Variants in THSD7B observed in about 807,000 individuals in gnomAD.
THSD7B encodes thrombospondin type 1 domain containing 7B.
A neutral mutation model predicts 213.6 loss-of-function variants in THSD7B; 138 were observed. The observed-to-expected ratio is 0.65, with a 90% CI of 0.56 to 0.74. The LOEUF (loss-of-function observed/expected upper bound fraction) is 0.74, where lower values mean the gene tolerates loss of function less well. Among genes scored for constraint, THSD7B ranks in the 30% least tolerant of loss-of-function variants. THSD7B has a pLI of 0.00. For synonymous variants in THSD7B, 742 were observed against 687.0 expected, an observed-to-expected ratio of 1.08 and a Z score of -1.25; for missense variants, 1,931 against 1,991.5, an observed-to-expected ratio of 0.97 and a Z score of 0.58.
chr2:136,921,652 G>A (rs1233434330), intron 2 of THSD7B, among the ~76,000 whole-genome samples: 1 of 152,144 alleles, frequency 6.6e-6, no homozygotes, highest in African/African-American at 2.4e-5. Context: ...TTTTCAAGGT[G>A]TTTTAGATTG....
At chr2:137,242,616 T>G in intron 10 of THSD7B, 44 bp downstream of exon 10, 2 of 1,463,824 alleles carry the variant, frequency 1.4e-6, no homozygotes, top group Non-Finnish European at 1.9e-6. Flanking sequence ...CCTAACCTGA[T>G]TGTTTCTCCA....
chr2:137,056,554 A>G lies in THSD7B; in HGVS notation c.274A>G (p.Ser92Gly). The part of the protein sequence containing the change: ...GESNRPPKER[S>G]CFRVCDWHSD... ...GAGCAACAGGCCTCCAAAGGAAAGA[A>G]GTTGTTTCCGAGTTTGTGACTGGCA... The change falls in exon 3 of 28, where the codon AGT becomes GGT. Residue 92 changes from serine (S) to glycine (G), a missense_variant. Physicochemically the swap from Ser to Gly is moderately conservative, Grantham distance 56 (BLOSUM62 0). Transcript: ENST00000409968. 1 of 1,613,878 alleles carries G rather than the reference A, an allele frequency of 6.2e-7. No homozygotes were observed. The highest frequency in any genetic ancestry group is 8.5e-7 in the Non-Finnish European group (1 of 1,179,852).
intron 3 of THSD7B, among the ~76,000 whole-genome samples, chr2:137,073,820 T>C (rs1416767568): frequency 6.6e-6 from 1 of 152,262 alleles, no homozygotes; most frequent in African/African-American, 2.4e-5. Context: ...ACATCTTTAT[T>C]TCTGCCTTCA....
chr2:136,855,911 C>G (rs942379292), intron 1 of THSD7B, among the ~76,000 whole-genome samples: 1 of 152,094 alleles, frequency 6.6e-6, no homozygotes, highest in Non-Finnish European at 1.5e-5. Context: ...GATTACCCCC[C>G]TCCTTTTCCC....
At chr2:136,796,322 C>T (rs1682063153) in intron 1 of THSD7B, among the ~76,000 whole-genome samples, 1 of 151,932 alleles carries the variant, frequency 6.6e-6, no homozygotes, top group Non-Finnish European at 1.5e-5. Context: ...ATCCACTGGT[C>T]TTTGAGGACA....
At chr2:137,559,368 A>T (rs1271377020) in intron 15 of THSD7B, among the ~76,000 whole-genome samples, 1 of 152,214 alleles carries the variant, frequency 6.6e-6, no homozygotes, top group East Asian at 1.9e-4. Context: ...AAACAGAGAT[A>T]TAGACAAATG....
In THSD7B at chr2:137,411,837, G is replaced by A. The variant is rs1686661275; in HGVS notation, c.2924G>A (p.Gly975Glu). The change falls in exon 14 of 28, where the codon GGA becomes GAA. Residue 975 changes from glycine (G) to glutamate (E), a missense_variant. Coordinates refer to ENST00000409968, the MANE Select transcript of THSD7B (RefSeq NM_001316349.2). Reference protein sequence around the residue: ...FRAVACSDKNGRPVDPSFCSS... With the variant: ...FRAVACSDKNERPVDPSFCSS... ...GCAGTAGCCTGTTCTGATAAAAATG[G>A]AAGACCTGTTGACCCCTCCTTCTGC... The A allele has an allele frequency of 6.2e-7, 1 of 1,614,008 alleles. No individual in the cohort carries two copies. Among genetic ancestry groups the A allele is most frequent in the South Asian group, 1.1e-5 (1 of 91,082 alleles).
chr2:136,835,814 G>T (rs1445128111), intron 1 of THSD7B, among the ~76,000 whole-genome samples: 2 of 152,106 alleles, frequency 1.3e-5, no homozygotes, highest in Non-Finnish European at 2.9e-5. Context: ...GTACACATTT[G>T]AGTTGTTAGA....
At chr2:137,170,028 C>CCT (rs1159972606) in intron 6 of THSD7B, among the ~76,000 whole-genome samples, 1 of 152,046 alleles carries the variant, frequency 6.6e-6, no homozygotes, top group African/African-American at 2.4e-5. Flanking sequence ...GACCCATTTG[C>CCT]CTCGATGTGT....
At chr2:137,292,547 CT>C (rs756797472) in intron 12 of THSD7B, among the ~76,000 whole-genome samples, 5 of 152,158 alleles carry the variant, frequency 3.3e-5, no homozygotes, top group Non-Finnish European at 7.3e-5. Flanking sequence ...GCTTTAGAAC[CT>C]GTTAAGTGTA....
intron 7 of THSD7B, among the ~76,000 whole-genome samples, chr2:137,179,134 G>A (rs1680408845): frequency 6.6e-6 from 1 of 152,122 alleles, no homozygotes; most frequent in African/African-American, 2.4e-5. Flanking sequence ...ATTTCAAAAT[G>A]TAGCTCATGT....
At chr2:137,358,421 G>A (rs1363254072) in intron 12 of THSD7B, among the ~76,000 whole-genome samples, 3 of 152,126 alleles carry the variant, frequency 2.0e-5, no homozygotes, top group Admixed American at 6.5e-5. Context: ...GGATGAGTTC[G>A]ATGTGGTAGA....
intron 2 of THSD7B, among the ~76,000 whole-genome samples, chr2:137,020,420 T>C (rs1686421116): frequency 6.6e-6 from 1 of 152,100 alleles, no homozygotes; most frequent in Non-Finnish European, 1.5e-5. Context: ...CTTTAGAAAA[T>C]TGATTGTGCT....
intron 5 of THSD7B, among the ~76,000 whole-genome samples, chr2:137,127,034 A>G (rs927360901): frequency 6.6e-6 from 1 of 152,016 alleles, no homozygotes; most frequent in African/African-American, 2.4e-5. Flanking sequence ...AACATCAAAG[A>G]TCACTGATCA....
rs374711803 is a variant in THSD7B, at chr2:137,405,844, C to A, written c.2695+37C>A. 3 of 1,536,754 alleles carry A rather than the reference C, an allele frequency of 2.0e-6. No homozygotes were observed. The South Asian group carries it at 3.7e-5, about 19-fold the overall frequency. ...ATTTTACTCTTTAGCATCAGGCAAG[C>A]TGAACATCTCTGGATCTTTTGTGTA... On this transcript the variant is annotated intron_variant, in intron 13 of 27. Transcript: ENST00000409968.
At chr2:137,402,627 G>T (rs1158343515) in intron 12 of THSD7B, among the ~76,000 whole-genome samples, 1 of 151,818 alleles carries the variant, frequency 6.6e-6, no homozygotes, top group African/African-American at 2.4e-5. Context: ...GACCAGCCTG[G>T]CCAACATGAT....
intron 12 of THSD7B, among the ~76,000 whole-genome samples, chr2:137,342,395 G>T (rs1208912993): frequency 1.3e-5 from 2 of 150,270 alleles, no homozygotes; most frequent in African/African-American, 4.9e-5. Flanking sequence ...TCTAACAGGG[G>T]TTTTTTTTTT....
At chr2:137,485,507 C>A (rs1688416211) in intron 15 of THSD7B, among the ~76,000 whole-genome samples, 1 of 151,970 alleles carries the variant, frequency 6.6e-6, no homozygotes, top group African/African-American at 2.4e-5. Flanking sequence ...CGATGCGGGC[C>A]AAATCTACGT....
At chr2:137,287,926 T>C (rs12618070) in intron 12 of THSD7B, among the ~76,000 whole-genome samples, 2,015 of 152,184 alleles carry the variant, frequency 0.013, 41 homozygotes, top group East Asian at 0.07. Context: ...CTGCAAACTG[T>C]GTAAATGTAA....
Sources: gnomAD v4.1 joint callset for allele counts (sites outside exome capture counted in the v4.1 genomes callset) on GRCh38, gnomAD v4.1.1 for gene constraint, MANE v1.5 for transcripts, NCBI Gene and HGNC (gene_info 2026-07-23, HGNC 2026-07-21) for gene names.